The following MAP4K4 variants were observed in gnomAD, a reference collection of about 807,000 sequenced individuals.
MAP4K4 encodes HPK/GCK-like kinase HGK.
MAP4K4 carries 38 observed loss-of-function variants against 189.6 expected under a neutral mutation model. That is an observed-to-expected ratio of 0.20 (90% confidence interval 0.15 to 0.26). The LOEUF is 0.26. MAP4K4 is among the 10% of genes least tolerant of loss of function. The pLI, the probability that MAP4K4 is intolerant of heterozygous loss-of-function variation, is 1.00. For synonymous variants in MAP4K4, 610 were observed against 624.3 expected (o/e 0.98, Z 0.34); for missense variants, 1,054 against 1,726.9 (o/e 0.61, Z 6.91).
At chr2:101,809,533 G>A (rs572407151) in intron 3 of MAP4K4, among the ~76,000 whole-genome samples, 1 of 152,296 alleles carries the variant, frequency 6.6e-6, no homozygotes, top group African/African-American at 2.4e-5. Context: ...GTTAGGGAAA[G>A]GAAGCAGCAT....
chr2:101,885,338 C>A, intron 29 of MAP4K4, 51 bp downstream of exon 29: 1 of 1,069,318 alleles, frequency 9.4e-7, no homozygotes, highest in Non-Finnish European at 1.4e-6. Context: ...CAAGCTGCAA[C>A]CAAGAGTCAG....
rs2098463263 is a variant in MAP4K4, at chr2:101,885,174, T to G, written c.3521-13T>G. The G allele has an allele frequency of 6.6e-7, 1 of 1,515,520 alleles. No individual in the cohort carries two copies. The highest frequency in any genetic ancestry group is 1.4e-5 in the African/African-American group (1 of 73,132). 93.9% of individuals were successfully genotyped at this position (1,515,520 alleles called of 1,614,324 possible). ...CCTGTGCTTCTCTTGCTTTTTTATT[T>G]GCTGCTTTTCAGTAAAATATGAAAG... On this transcript the variant is annotated splice_polypyrimidine_tract_variant and intron_variant, in intron 28 of 32. Coordinates refer to ENST00000324219, the Ensembl canonical transcript of MAP4K4.
At chr2:101,756,214 G>A (rs1327437625) in intron 2 of MAP4K4, among the ~76,000 whole-genome samples, 1 of 152,096 alleles carries the variant, frequency 6.6e-6, no homozygotes, top group African/African-American at 2.4e-5. Context: ...AAAGTGCTGG[G>A]ATTAACAGGC....
At chr2:101,853,783 A>G (rs1163571776) in intron 12 of MAP4K4, among the ~76,000 whole-genome samples, 1 of 152,108 alleles carries the variant, frequency 6.6e-6, no homozygotes, top group Non-Finnish European at 1.5e-5. Context: ...GGATCCTAGA[A>G]GCTGAAGTTG....
chr2:101,854,751 A>G (rs1202921684), intron 12 of MAP4K4, among the ~76,000 whole-genome samples: 1 of 152,050 alleles, frequency 6.6e-6, no homozygotes, highest in East Asian at 1.9e-4. Flanking sequence ...CTTTACCCTA[A>G]GCTTTCTTGT....
chr2:101,808,973 A>C (rs1021299785), intron 3 of MAP4K4, among the ~76,000 whole-genome samples: 1 of 152,084 alleles, frequency 6.6e-6, no homozygotes, highest in African/African-American at 2.4e-5. Context: ...GCTATTTCTT[A>C]TGGCTGCCAG....
chr2:101,776,802 A>G (rs7422918), intron 2 of MAP4K4, among the ~76,000 whole-genome samples: 127,645 of 152,098 alleles, frequency 0.84, 54,034 homozygotes, highest in African/African-American at 0.96. Flanking sequence ...TAATATGGCT[A>G]TGTTAATTGG....
chr2:101,834,194 C>CTCCCTCCATCCCTCCA (rs568532982), intron 7 of MAP4K4, among the ~76,000 whole-genome samples: 8 of 125,566 alleles, frequency 6.4e-5, no homozygotes, highest in African/African-American at 2.2e-4. Context: ...CCTCCCTCCC[C>CTCCCTCCATCCCTCCA]TCCCTCCATC....
chr2:101,697,719 C>CTG (rs1267929605), exon 1 of MAP4K4: 1 of 140,738 alleles, frequency 7.1e-6, no homozygotes, highest in Non-Finnish European at 1.6e-5. Context: ...TCGCTCAACT[C>CTG]GGCGCCGCCG....
At position 101,835,988 on chromosome 2, in the gene MAP4K4, A is replaced by G. The variant is rs1324915240; in HGVS notation, c.773+10A>G. On this transcript the variant is annotated intron_variant, in intron 9 of 32. Transcript: ENST00000324219. ...TGAAGTCAAAAAAATGGTAAGCTAT[A>G]TATGGTTTTTTGTTGTTCTTTTCCC... 6 of 1,600,828 alleles carry G rather than the reference A, an allele frequency of 3.7e-6. No individual in the cohort carries two copies. The highest frequency in any genetic ancestry group is 2.2e-5 in the East Asian group (1 of 44,808).
chr2:101,835,477 G>A (rs2096723548), intron 8 of MAP4K4, among the ~76,000 whole-genome samples: 1 of 152,170 alleles, frequency 6.6e-6, no homozygotes. Flanking sequence ...ACAACAAACA[G>A]CATTTCTGGA....
intron 2 of MAP4K4, among the ~76,000 whole-genome samples, chr2:101,737,753 C>T (rs1349313785): frequency 6.6e-6 from 1 of 151,744 alleles, no homozygotes; most frequent in Non-Finnish European, 1.5e-5. Context: ...GGAAAAAAAC[C>T]CTGTCAATTT....
At chr2:101,818,918 A>T (rs2095871948) in intron 3 of MAP4K4, among the ~76,000 whole-genome samples, 1 of 152,062 alleles carries the variant, frequency 6.6e-6, no homozygotes, top group Non-Finnish European at 1.5e-5. Context: ...CAGGAGGGGG[A>T]CCTTTTTTTC....
intron 2 of MAP4K4, among the ~76,000 whole-genome samples, chr2:101,742,155 C>T (rs1284395822): frequency 6.6e-6 from 1 of 152,144 alleles, no homozygotes; most frequent in Non-Finnish European, 1.5e-5. Flanking sequence ...CCTTCAGAGT[C>T]CCGCACTCTT....
At chr2:101,759,848 C>A (rs1177944986) in intron 2 of MAP4K4, among the ~76,000 whole-genome samples, 2 of 143,378 alleles carry the variant, frequency 1.4e-5, no homozygotes, top group African/African-American at 2.6e-5. Context: ...CCCTTTCCAT[C>A]CGTCTCCTCT....
chr2:101,732,483 A>G (rs996747649), intron 2 of MAP4K4, among the ~76,000 whole-genome samples: 2 of 152,064 alleles, frequency 1.3e-5, no homozygotes, highest in Non-Finnish European at 2.9e-5. Flanking sequence ...CCCTAGCCCC[A>G]TGCAACTGCA....
At chr2:101,742,011 TGAA>T (rs1259596952) in intron 2 of MAP4K4, among the ~76,000 whole-genome samples, 2 of 152,106 alleles carry the variant, frequency 1.3e-5, no homozygotes, top group African/African-American at 4.8e-5. Flanking sequence ...GGGGTCTAAG[TGAA>T]GAGCACACCC....
At chr2:101,830,320 G>A (rs1256191838) in intron 6 of MAP4K4, among the ~76,000 whole-genome samples, 1 of 152,064 alleles carries the variant, frequency 6.6e-6, no homozygotes, top group African/African-American at 2.4e-5. Flanking sequence ...ATAAATTTCT[G>A]CGTGGTTAGA....
At chr2:101,866,630 C>T in intron 19 of MAP4K4, 51 bp downstream of exon 19, 1 of 1,585,622 alleles carries the variant, frequency 6.3e-7, no homozygotes, top group South Asian at 1.1e-5. Flanking sequence ...GAGCTGTGAT[C>T]CATATCTTGG....
Sources: allele counts gnomAD v4.1 joint callset (sites outside exome capture counted in the v4.1 genomes callset), GRCh38; gene constraint gnomAD v4.1.1; transcripts MANE v1.5; gene names NCBI Gene and HGNC (gene_info 2026-07-23, HGNC 2026-07-21).